The following SPTBN1 variants were observed in gnomAD, a reference collection of about 807,000 sequenced individuals.
The protein encoded by SPTBN1 is spectrin beta chain, non-erythrocytic 1.
SPTBN1 carries 32 observed loss-of-function variants against 266.4 expected under a neutral mutation model. The observed-to-expected ratio is 0.12, with a 90% CI of 0.09 to 0.16. The LOEUF (loss-of-function observed/expected upper bound fraction) is 0.16. SPTBN1 is among the 10% of genes least tolerant of loss of function. The pLI is 1.00. For synonymous variants in SPTBN1, 1,336 were observed against 1,162.2 expected, an observed-to-expected ratio of 1.15 and a Z score of -3.04; for missense variants, 2,296 against 3,067.1, an observed-to-expected ratio of 0.75 and a Z score of 5.94.
intron 2 of SPTBN1, among the ~76,000 whole-genome samples, chr2:54,568,064 G>T (rs947924515): frequency 6.6e-6 from 1 of 152,134 alleles, no homozygotes; most frequent in Non-Finnish European, 1.5e-5. Context: ...ATCCCCAAGT[G>T]CTTTGTATGC....
At chr2:54,577,932 ACT>A (rs34333468) in intron 2 of SPTBN1, among the ~76,000 whole-genome samples, 47,923 of 151,796 alleles carry the variant, frequency 0.32, 9,327 homozygotes, top group African/African-American at 0.56. Flanking sequence ...ATTTGCTGAG[ACT>A]CTCACTCTTC....
intron 11 of SPTBN1, among the ~76,000 whole-genome samples, chr2:54,625,529 C>T (rs1428521204): frequency 1.3e-5 from 2 of 149,196 alleles, no homozygotes; most frequent in East Asian, 2.0e-4. Context: ...CTCAAGATTT[C>T]ATGTCTGTTC....
chr2:54,488,122 C>T lies in SPTBN1; in HGVS notation c.-48+31604C>T, dbSNP rs529087719. 4.6e-5 allele frequency among the ~76,000 whole-genome samples: 7 copies of T among 152,150 alleles called. No homozygotes were observed. The East Asian group carries it at 1.2e-3, about 25-fold the overall frequency. The stretch of plus-strand genomic sequence containing the variant: ...GGGATTACAGGCGTGAGTCACTGCG[C>T]CCGGCCCATCATATCCTTTATGAAT... On this transcript the variant is annotated intron_variant, in intron 1 of 35. Transcript: ENST00000356805.
intron 2 of SPTBN1, among the ~76,000 whole-genome samples, chr2:54,593,733 A>G (rs775011501): frequency 4.0e-4 from 61 of 151,706 alleles, no homozygotes; most frequent in Non-Finnish European, 8.4e-4. Context: ...GAGTTACCCA[A>G]TAATGCAGCA....
chr2:54,524,320 C>T (rs1670668138), intron 1 of SPTBN1, among the ~76,000 whole-genome samples: 1 of 152,134 alleles, frequency 6.6e-6, no homozygotes, highest in Admixed American at 6.5e-5. Context: ...ACTTAGATAG[C>T]TTCATATGCC....
rs13010744 is a variant in SPTBN1, at chr2:54,618,526, A to C, written c.763+333A>C. Among the ~76,000 whole-genome samples the C allele has an allele frequency of 4.2e-3, 642 of 152,348 alleles. 4 individuals carry two copies. Among genetic ancestry groups the C allele is most frequent in the Non-Finnish European group, 6.6e-3 (448 of 68,024 alleles). On this transcript the variant is annotated intron_variant, in intron 7 of 35. Transcript: ENST00000356805. Reference sequence around the variant, plus strand: ...TAGGGTAATAGCAGGGAATACCACTATTCCCTTCTGTTAGTGGATGGGATC... The same window carrying C: ...TAGGGTAATAGCAGGGAATACCACTCTTCCCTTCTGTTAGTGGATGGGATC...
chr2:54,494,916 TTAA>T (rs772737640), intron 1 of SPTBN1, among the ~76,000 whole-genome samples: 2 of 116,100 alleles, frequency 1.7e-5, no homozygotes, highest in African/African-American at 3.4e-5. Flanking sequence ...CTGTTTTTTT[TTAA>T]AAAAAAAAAA....
intron 2 of SPTBN1, among the ~76,000 whole-genome samples, chr2:54,597,029 T>C (rs1676137797): frequency 6.6e-6 from 1 of 152,256 alleles, no homozygotes; most frequent in African/African-American, 2.4e-5. Flanking sequence ...GAACACATTT[T>C]GTGCTTGTTT....
At chr2:54,507,251 G>A (rs539915099) in intron 1 of SPTBN1, among the ~76,000 whole-genome samples, 6 of 152,216 alleles carry the variant, frequency 3.9e-5, no homozygotes, top group African/African-American at 1.4e-4. Context: ...ATACGTGCAG[G>A]TCACTGGGGA....
At chr2:54,494,437 A>T (rs781379541) in intron 1 of SPTBN1, among the ~76,000 whole-genome samples, 76 of 152,346 alleles carry the variant, frequency 5.0e-4, no homozygotes, top group Non-Finnish European at 9.0e-4. Context: ...CAAAAAAAAT[A>T]CACAAATGTT....
chr2:54,617,553 A>G (rs1677685751), intron 5 of SPTBN1, 55 bp from the exon 6 acceptor site: 7 of 1,572,258 alleles, frequency 4.5e-6, no homozygotes, highest in Admixed American at 1.7e-5. Context: ...TGGCAAAAGT[A>G]TAAACCTCCA....
intron 4 of SPTBN1, 90 bp from the exon 5 acceptor site, chr2:54,616,117 T>C (rs2103828129): frequency 9.4e-7 from 1 of 1,062,524 alleles, no homozygotes; most frequent in Non-Finnish European, 1.4e-6. Context: ...ATCTACAGTT[T>C]ATTCTTTATG....
chr2:54,558,923 T>G lies in SPTBN1; in HGVS notation c.148+32357T>G. On this transcript the variant is annotated intron_variant, in intron 2 of 35. Coordinates refer to ENST00000356805, the MANE Select transcript of SPTBN1 (RefSeq NM_003128.3). The surrounding 1 kb of genome is among the most constrained non-coding windows in gnomAD (Gnocchi z 4.6). The stretch of plus-strand genomic sequence containing the variant: ...TCCCAAAGGCCGGGCCTGTCCTGGG[T>G]GCCAACGGGGGTTCTTGGAGGCTTT... The G allele has an allele frequency of 1.2e-6, 2 of 1,601,910 alleles. No individual in the cohort carries two copies. Among genetic ancestry groups the G allele is most frequent in the Non-Finnish European group, 1.7e-6 (2 of 1,173,408 alleles).
chr2:54,559,816 T>A (rs1162712159), intron 2 of SPTBN1, among the ~76,000 whole-genome samples: 2 of 152,186 alleles, frequency 1.3e-5, no homozygotes, highest in Non-Finnish European at 2.9e-5. Flanking sequence ...GTGTTTCTTA[T>A]TTTAACCTCC....
Position 54,628,204 on chromosome 2 carries a change from G to C in SPTBN1, c.1752G>C (p.Val584=), listed in dbSNP as rs1199222343. The C allele has an allele frequency of 5.0e-6, 8 of 1,614,090 alleles. No homozygotes were observed. In the East Asian group the frequency reaches 1.8e-4, roughly 36 times the overall value. The change falls in exon 13 of 36, where the codon GTG becomes GTC. Residue 584 remains valine, a synonymous_variant. Transcript: ENST00000356805. The surrounding 1 kb of genome is among the most constrained non-coding windows in gnomAD (Gnocchi z 4.3). ...EADIGIQAER[V]RGVNASAQKF... Reference sequence around the variant, plus strand: ...ACATTGGCATCCAGGCAGAGCGGGTGAGAGGTGTCAATGCCTCCGCCCAGA... The same window carrying C: ...ACATTGGCATCCAGGCAGAGCGGGTCAGAGGTGTCAATGCCTCCGCCCAGA...
At chr2:54,532,909 C>G (rs1021957830) in intron 2 of SPTBN1, among the ~76,000 whole-genome samples, 1 of 152,168 alleles carries the variant, frequency 6.6e-6, no homozygotes, top group Non-Finnish European at 1.5e-5. Flanking sequence ...TCCTTCTTAA[C>G]TATTTCTCGG....
At chr2:54,500,355 C>A (rs562613210) in intron 1 of SPTBN1, among the ~76,000 whole-genome samples, 1 of 151,930 alleles carries the variant, frequency 6.6e-6, no homozygotes, top group Non-Finnish European at 1.5e-5. Flanking sequence ...CAGGACCAGG[C>A]TGCTGGAGAT....
chr2:54,637,637 TA>T, intron 17 of SPTBN1, 75 bp from the exon 18 acceptor site: 1 of 1,178,892 alleles, frequency 8.5e-7, no homozygotes, highest in East Asian at 2.5e-5. Flanking sequence ...ATTCAGGAAA[TA>T]AATTGATTTG....
At chr2:54,495,680 T>TTTTTTTTTTTTTTTTTTTATTATACTCC (rs1341853753) in intron 1 of SPTBN1, among the ~76,000 whole-genome samples, 2 of 126,384 alleles carry the variant, frequency 1.6e-5, no homozygotes, top group Non-Finnish European at 3.7e-5. Flanking sequence ...CATGTGTTTT[T>TTTTTTTTTTTTTTTTTTTATTATACTCC]ACCTTTATTT....
Sources: allele counts gnomAD v4.1 joint callset (sites outside exome capture counted in the v4.1 genomes callset), GRCh38; gene constraint gnomAD v4.1.1; non-coding constraint Gnocchi (gnomAD v3.1); transcripts MANE v1.5; gene names NCBI Gene and HGNC (gene_info 2026-07-23, HGNC 2026-07-21).